TAF3: variants seen among roughly 807,000 people sequenced by gnomAD.
The protein encoded by TAF3 is transcription initiation factor TFIID subunit 3.
Under a neutral mutation model 80.6 loss-of-function variants are expected in TAF3, and 7 were observed. The observed-to-expected ratio is 0.09, with a 90% CI of 0.05 to 0.16. TAF3 has a LOEUF of 0.16. Ranked by LOEUF, TAF3 falls within the 10% of genes least tolerant of loss-of-function variation. The probability of loss-of-function intolerance (pLI) is 1.00; values close to 1 mark genes in which losing one functional copy is unlikely to be tolerated. For missense variants in TAF3, 921 were observed against 1,140.2 expected, an observed-to-expected ratio of 0.81 and a Z score of 2.77; for synonymous variants, 444 against 446.1, an observed-to-expected ratio of 1.00 and a Z score of 0.06.
intron 2 of TAF3, among the ~76,000 whole-genome samples, chr10:7,872,872 C>T (rs1300720630): frequency 6.6e-6 from 1 of 152,068 alleles, no homozygotes; most frequent in Non-Finnish European, 1.5e-5. Flanking sequence ...ATTAAATGTG[C>T]ATTCATTGCC....
At chr10:7,849,522 T>A (rs1291092992) in intron 2 of TAF3, among the ~76,000 whole-genome samples, 1 of 152,180 alleles carries the variant, frequency 6.6e-6, no homozygotes, top group Non-Finnish European at 1.5e-5. Context: ...TTTTAAAAAA[T>A]TATGTAATTG....
At chr10:8,008,896 T>G (rs1296286096) in intron 4 of TAF3, among the ~76,000 whole-genome samples, 182 bp from the exon 5 acceptor site, 1 of 152,212 alleles carries the variant, frequency 6.6e-6, no homozygotes, top group East Asian at 1.9e-4. Flanking sequence ...AATGAAAAAT[T>G]CGTCTGAGTA....
Position 8,009,156 on chromosome 10 carries a change from CCCCGCG to C in TAF3, c.2400_2405del (p.Ala802_Pro803del). ...ACAGGCCGAAGACCCCACCGCCGGC[CCCCGCG>C]CCCGCCCCCGGCCCCATGCTCGTCA... On this transcript the variant is annotated inframe_deletion, in exon 5 of 7. Transcript: ENST00000344293. The surrounding 1 kb of genome is among the most constrained non-coding windows in gnomAD (Gnocchi z 4.1). 6.4e-7 allele frequency: 1 copy of C among 1,570,112 alleles called. No homozygotes were observed. Among genetic ancestry groups the C allele is most frequent in the East Asian group, 2.4e-5 (1 of 41,886 alleles).
At chr10:7,916,846 C>G (rs1837716086) in intron 2 of TAF3, among the ~76,000 whole-genome samples, 1 of 152,056 alleles carries the variant, frequency 6.6e-6, no homozygotes, top group African/African-American at 2.4e-5. Flanking sequence ...CTATCTGAGC[C>G]ATATTGTTTA....
intron 2 of TAF3, among the ~76,000 whole-genome samples, chr10:7,884,720 T>G (rs1415040302): frequency 3.3e-5 from 5 of 152,170 alleles, no homozygotes; most frequent in Non-Finnish European, 7.3e-5. Context: ...GAGTCTAGAA[T>G]CCAGGGCACT....
rs1481251430 is a variant in TAF3, at chr10:7,833,183, C to A, written c.409+8623C>A. Among the ~76,000 whole-genome samples the A allele has an allele frequency of 2.0e-5, 3 of 152,308 alleles. No homozygotes were observed. In the East Asian group the frequency reaches 5.8e-4, roughly 29 times the overall value. On this transcript the variant is annotated intron_variant, in intron 2 of 6. Transcript: ENST00000344293. ...CAGTGAACTTGGGAGAGCAGAATCT[C>A]TTCCACATAATCTTTTCAAATCTTT...
In TAF3 at chr10:7,912,735, C is replaced by A. The variant is rs150092763; in HGVS notation, c.410-51185C>A. ...AATCATTTAATATTTCCCTACAAAT[C>A]CAGATCCAGTTCAATGGTTCATTGC... On this transcript the variant is annotated intron_variant, in intron 2 of 6. Transcript: ENST00000344293. Among the ~76,000 whole-genome samples the A allele has an allele frequency of 1.1e-4, 16 of 152,258 alleles. 2 individuals are homozygous for A. In the East Asian group the frequency reaches 3.1e-3, roughly 29 times the overall value.
At position 8,009,364 on chromosome 10, in the gene TAF3, G is replaced by A; in HGVS notation, c.2568+34G>A. The A allele has an allele frequency of 6.4e-7, 1 of 1,574,606 alleles. No individual in the cohort carries two copies. On this transcript the variant is annotated intron_variant, in intron 5 of 6. Coordinates refer to ENST00000344293, the MANE Select transcript of TAF3 (RefSeq NM_031923.4). The surrounding 1 kb of genome is among the most constrained non-coding windows in gnomAD (Gnocchi z 4.1). Reference sequence around the variant, plus strand: ...CTGCCGCCCGCGCGGTTAGCATGGAGACGTTTTCAGATCGAGACAAGTGTG... The same window carrying A: ...CTGCCGCCCGCGCGGTTAGCATGGAAACGTTTTCAGATCGAGACAAGTGTG...
chr10:7,882,903 C>T (rs1837375252), intron 2 of TAF3, among the ~76,000 whole-genome samples: 1 of 152,180 alleles, frequency 6.6e-6, no homozygotes, highest in African/African-American at 2.4e-5. Context: ...TTTGCTTTTT[C>T]TGTGCTGTTT....
intron 2 of TAF3, among the ~76,000 whole-genome samples, chr10:7,843,016 A>G (rs1057288995): frequency 6.6e-6 from 1 of 152,186 alleles, no homozygotes; most frequent in African/African-American, 2.4e-5. Context: ...TGCACCTGCT[A>G]GGGCGTAGTC....
At chr10:7,856,278 C>A (rs1210479795) in intron 2 of TAF3, among the ~76,000 whole-genome samples, 1 of 152,054 alleles carries the variant, frequency 6.6e-6, no homozygotes, top group Non-Finnish European at 1.5e-5. Context: ...GAGTTCGAGA[C>A]CAGCCTGGCC....
intron 2 of TAF3, among the ~76,000 whole-genome samples, chr10:7,873,770 T>A (rs1477909773): frequency 6.6e-6 from 1 of 152,218 alleles, no homozygotes; most frequent in Non-Finnish European, 1.5e-5. Flanking sequence ...AGTTCCTTGA[T>A]TAAAATGTGT....
chr10:7,949,828 T>A (rs1360988850), intron 2 of TAF3, among the ~76,000 whole-genome samples: 1 of 152,160 alleles, frequency 6.6e-6, no homozygotes, highest in East Asian at 1.9e-4. Context: ...CATAGAAGGG[T>A]TGCAGTGGCC....
Position 7,941,402 on chromosome 10 carries a change from G to A in TAF3, c.410-22518G>A, listed in dbSNP as rs573414067. Among the ~76,000 whole-genome samples, 5 of 152,338 alleles carry A rather than the reference G, an allele frequency of 3.3e-5. No individual in the cohort carries two copies. The East Asian group carries it at 9.6e-4, about 29-fold the overall frequency. On this transcript the variant is annotated intron_variant, in intron 2 of 6. Coordinates refer to ENST00000344293, the MANE Select transcript of TAF3 (RefSeq NM_031923.4). ...TGCTAGATACAGGTCAGCAGGGTGG[G>A]GATTATTTGTAACTGCACATGAGGA...
intron 2 of TAF3, among the ~76,000 whole-genome samples, chr10:7,932,727 GA>G: frequency 7.9e-6 from 1 of 125,886 alleles, no homozygotes; most frequent in Non-Finnish European, 1.6e-5. Flanking sequence ...ATCCAGGCTA[GA>G]GTGCAGTGGC....
rs1832024392 is a variant in TAF3, at chr10:8,009,012, T to G, written c.2316-66T>G. ...GAAAAGCTATTTTACGATCATGTTT[T>G]TAAGCACGGGTTTGGTTCGATGATG... On this transcript the variant is annotated intron_variant, in intron 4 of 6. Coordinates refer to ENST00000344293, the MANE Select transcript of TAF3 (RefSeq NM_031923.4). The surrounding 1 kb of genome is among the most constrained non-coding windows in gnomAD (Gnocchi z 4.1). The G allele has an allele frequency of 6.5e-7, 1 of 1,541,940 alleles. No individual in the cohort carries two copies. The highest frequency in any genetic ancestry group is 1.4e-5 in the African/African-American group (1 of 72,488).
intron 4 of TAF3, among the ~76,000 whole-genome samples, chr10:8,003,253 G>A (rs751600182): frequency 6.4e-5 from 9 of 141,478 alleles, no homozygotes; most frequent in Non-Finnish European, 1.1e-4. Flanking sequence ...TTTTTTTATC[G>A]TTCCTTTTTT....
intron 2 of TAF3, among the ~76,000 whole-genome samples, chr10:7,881,839 C>T (rs1837365205): frequency 6.6e-6 from 1 of 152,152 alleles, no homozygotes; most frequent in Non-Finnish European, 1.5e-5. Flanking sequence ...TCTCTGTGCC[C>T]TAGTTAACGC....
intron 2 of TAF3, among the ~76,000 whole-genome samples, chr10:7,875,694 A>T (rs1837306630): frequency 6.6e-6 from 1 of 152,228 alleles, no homozygotes; most frequent in African/African-American, 2.4e-5. Context: ...GTCCTTTTAA[A>T]ATATATCTAG....
Sources: allele counts gnomAD v4.1 joint callset (sites outside exome capture counted in the v4.1 genomes callset), GRCh38; gene constraint gnomAD v4.1.1; non-coding constraint Gnocchi (gnomAD v3.1); transcripts MANE v1.5; gene names NCBI Gene and HGNC (gene_info 2026-07-23, HGNC 2026-07-21).